The following TMEM117 variants were observed in gnomAD, a reference collection of about 807,000 sequenced individuals.
The protein encoded by TMEM117 is transmembrane protein 117.
In TMEM117, 27 loss-of-function variants were observed where a neutral mutation model predicts 52.4. The ratio of observed to expected loss-of-function variants is 0.51; its 90% CI spans 0.38 to 0.71. TMEM117 has a LOEUF of 0.71. TMEM117 is among the 30% of genes least tolerant of loss of function. The probability of loss-of-function intolerance (pLI) is 0.00; values close to 1 mark genes in which losing one functional copy is unlikely to be tolerated. For synonymous variants in TMEM117, 215 were observed against 206.3 expected (o/e 1.04, Z -0.36); for missense variants, 556 against 630.5 (o/e 0.88, Z 1.26).
intron 6 of TMEM117, among the ~76,000 whole-genome samples, chr12:44,369,980 A>T (rs1951840025): frequency 6.6e-6 from 1 of 152,192 alleles, no homozygotes; most frequent in Non-Finnish European, 1.5e-5. Context: ...CAATGTCTCT[A>T]TTGTTCATCC....
At chr12:43,889,858 G>A (rs1259326568) in intron 2 of TMEM117, among the ~76,000 whole-genome samples, 2 of 152,166 alleles carry the variant, frequency 1.3e-5, no homozygotes, top group Admixed American at 6.5e-5. Context: ...AAGTTCAATG[G>A]GGAGTGGTCT....
intron 5 of TMEM117, among the ~76,000 whole-genome samples, chr12:44,299,319 G>A (rs534046822): frequency 6.6e-6 from 1 of 152,148 alleles, no homozygotes; most frequent in Admixed American, 6.5e-5. Context: ...TTTTAGTAGA[G>A]ACAGGGATTC....
chr12:44,378,815 T>C (rs1401901291), intron 7 of TMEM117, among the ~76,000 whole-genome samples: 3 of 152,118 alleles, frequency 2.0e-5, no homozygotes, highest in African/African-American at 7.2e-5. Context: ...GGCCAGAGAA[T>C]CGAACTTTGG....
At chr12:44,254,757 A>G (rs892563912) in intron 5 of TMEM117, among the ~76,000 whole-genome samples, 2 of 151,998 alleles carry the variant, frequency 1.3e-5, no homozygotes, top group Non-Finnish European at 2.9e-5. Context: ...TGCTGCACCC[A>G]TTAACTCGTC....
At chr12:43,914,226 T>C (rs1944562500) in intron 2 of TMEM117, among the ~76,000 whole-genome samples, 1 of 152,138 alleles carries the variant, frequency 6.6e-6, no homozygotes. Context: ...AATATTCATC[T>C]ATGGGGAAAA....
At chr12:43,847,663 C>G (rs1054566319) in intron 2 of TMEM117, among the ~76,000 whole-genome samples, 14 of 152,162 alleles carry the variant, frequency 9.2e-5, no homozygotes, top group African/African-American at 3.4e-4. Flanking sequence ...AAGAGAATTT[C>G]AGCATGATTC....
intron 3 of TMEM117, among the ~76,000 whole-genome samples, chr12:44,013,662 C>A (rs2137814611): frequency 6.6e-6 from 1 of 152,252 alleles, no homozygotes; most frequent in African/African-American, 2.4e-5. Flanking sequence ...GGCTGGGTTC[C>A]CTGGAGGTTT....
At chr12:44,252,497 C>T (rs1277559122) in intron 5 of TMEM117, among the ~76,000 whole-genome samples, 9 of 152,158 alleles carry the variant, frequency 5.9e-5, no homozygotes, top group African/African-American at 2.2e-4. Context: ...GAGTGAGACT[C>T]TGTCTCAAAA....
chr12:43,927,744 A>T (rs1373853330), intron 2 of TMEM117, among the ~76,000 whole-genome samples: 1 of 151,882 alleles, frequency 6.6e-6, no homozygotes, highest in South Asian at 2.1e-4. Context: ...TCTTTTTGTT[A>T]GTTTTATCTG....
At chr12:44,365,572 GCCT>G in intron 6 of TMEM117, among the ~76,000 whole-genome samples, 1 of 152,092 alleles carries the variant, frequency 6.6e-6, no homozygotes, top group Admixed American at 6.6e-5. Context: ...TGCTCTGTGA[GCCT>G]CAGTTTACTT....
At chr12:43,850,092 C>T (rs1403255769) in intron 2 of TMEM117, among the ~76,000 whole-genome samples, 1 of 152,148 alleles carries the variant, frequency 6.6e-6, no homozygotes, top group Non-Finnish European at 1.5e-5. Context: ...AAGAGGCTGA[C>T]ACATCCGTTT....
chr12:44,029,142 A>G (rs1443462915), intron 3 of TMEM117, among the ~76,000 whole-genome samples: 3 of 152,086 alleles, frequency 2.0e-5, no homozygotes, highest in Non-Finnish European at 4.4e-5. Context: ...GCTTCTCTCA[A>G]TAAAAGGCAA....
intron 3 of TMEM117, among the ~76,000 whole-genome samples, chr12:44,057,163 C>T (rs1433731552): frequency 6.6e-6 from 1 of 152,160 alleles, no homozygotes; most frequent in African/African-American, 2.4e-5. Context: ...TTGTGAACTT[C>T]AGCTCCCTTT....
intron 3 of TMEM117, among the ~76,000 whole-genome samples, chr12:44,038,363 C>T (rs1016949792): frequency 2.0e-5 from 3 of 152,140 alleles, no homozygotes; most frequent in African/African-American, 4.8e-5. Context: ...CAGTGCCAGC[C>T]GTGGAAGCTG....
downstream of TMEM117, among the ~76,000 whole-genome samples, chr12:44,393,740 G>A (rs923589760): frequency 2.6e-5 from 4 of 152,180 alleles, no homozygotes; most frequent in African/African-American, 4.8e-5. Flanking sequence ...AAGAATCTAA[G>A]TCAAATATTA....
chr12:44,163,771 T>C (rs939015702), intron 4 of TMEM117, among the ~76,000 whole-genome samples: 22 of 152,366 alleles, frequency 1.4e-4, no homozygotes, highest in South Asian at 4.1e-4. Context: ...GTCACAAATG[T>C]GACTTCTAAA....
intron 2 of TMEM117, among the ~76,000 whole-genome samples, chr12:43,862,299 G>A (rs967839034): frequency 5.3e-5 from 8 of 152,326 alleles, no homozygotes; most frequent in African/African-American, 1.9e-4. Flanking sequence ...CACGGGAGTA[G>A]ATGGGACTAC....
At chr12:44,049,553 T>G (rs1322228164) in intron 3 of TMEM117, among the ~76,000 whole-genome samples, 5 of 145,238 alleles carry the variant, frequency 3.4e-5, no homozygotes, top group Admixed American at 1.4e-4. Flanking sequence ...ATAAAAAACA[T>G]TAAAAAAAAA....
At chr12:43,834,579 G>A (rs1943002692), upstream of TMEM117, among the ~76,000 whole-genome samples, 1 of 152,234 alleles carries the variant, frequency 6.6e-6, no homozygotes, top group African/African-American at 2.4e-5. Context: ...CTAGTTAAGA[G>A]TTCTGTAAAA....
Sources: allele counts gnomAD v4.1 joint callset (sites outside exome capture counted in the v4.1 genomes callset), GRCh38; gene constraint gnomAD v4.1.1; transcripts MANE v1.5; gene names NCBI Gene and HGNC (gene_info 2026-07-23, HGNC 2026-07-21).